Variants in FAT3 observed in about 807,000 individuals in gnomAD.
FAT3 encodes the protein FAT atypical cadherin 3.
A neutral mutation model predicts 310.2 loss-of-function variants in FAT3; 95 were observed. The observed-to-expected ratio is 0.31, with a 90% confidence interval of 0.26 to 0.36. The LOEUF is 0.36. Ranked by LOEUF, FAT3 falls within the 10% of genes least tolerant of loss-of-function variation. The pLI, the probability that FAT3 is intolerant of heterozygous loss-of-function variation, is 1.00. For missense variants in FAT3, 5,408 were observed against 5,715.6 expected, an observed-to-expected ratio of 0.95 and a Z score of 1.74; for synonymous variants, 2,314 against 2,192.9, an observed-to-expected ratio of 1.06 and a Z score of -1.54.
At chr11:92,700,220 C>T (rs1164676893) in intron 4 of FAT3, among the ~76,000 whole-genome samples, 1 of 152,138 alleles carries the variant, frequency 6.6e-6, no homozygotes, top group Non-Finnish European at 1.5e-5. Context: ...TGCCAAGACT[C>T]TGTTCAAGAA....
At chr11:92,533,671 G>T (rs1261130303) in intron 3 of FAT3, among the ~76,000 whole-genome samples, 1 of 152,160 alleles carries the variant, frequency 6.6e-6, no homozygotes, top group Non-Finnish European at 1.5e-5. Context: ...ACCTGGCTGG[G>T]ACCTTCCCCA....
chr11:92,240,712 G>T (rs1012955705), intron 1 of FAT3, among the ~76,000 whole-genome samples: 11 of 151,818 alleles, frequency 7.2e-5, no homozygotes, highest in African/African-American at 1.9e-4. Context: ...TTGACATATT[G>T]TTTTGTCTGT....
chr11:92,856,839 C>T (rs1467505288), intron 19 of FAT3, among the ~76,000 whole-genome samples: 1 of 152,130 alleles, frequency 6.6e-6, no homozygotes, highest in Non-Finnish European at 1.5e-5. Context: ...CAAATAGCCT[C>T]CAATCTGCAG....
intron 1 of FAT3, among the ~76,000 whole-genome samples, chr11:92,296,335 G>A (rs924037730): frequency 5.9e-5 from 9 of 152,118 alleles, no homozygotes; most frequent in African/African-American, 1.9e-4. Flanking sequence ...TCATGACTCA[G>A]CTTCCATCTC....
At chr11:92,684,099 C>T (rs1943562951) in intron 3 of FAT3, among the ~76,000 whole-genome samples, 2 of 152,170 alleles carry the variant, frequency 1.3e-5, no homozygotes, top group Admixed American at 6.5e-5. Context: ...GCTCAATGCA[C>T]AGCCATTTGT....
At chr11:92,357,718 G>T (rs919002828) in intron 2 of FAT3, among the ~76,000 whole-genome samples, 2 of 151,634 alleles carry the variant, frequency 1.3e-5, no homozygotes, top group African/African-American at 4.8e-5. Context: ...GTTGCATTTT[G>T]GTTTACCTGA....
chr11:92,337,794 CTTG>C (rs1330076836), intron 1 of FAT3, among the ~76,000 whole-genome samples: 1 of 152,220 alleles, frequency 6.6e-6, no homozygotes, highest in Non-Finnish European at 1.5e-5. Flanking sequence ...CCTCGAAGTA[CTTG>C]TTGTACAAGC....
chr11:92,790,422 C>T (rs565909164), intron 8 of FAT3, among the ~76,000 whole-genome samples: 99 of 152,232 alleles, frequency 6.5e-4, no homozygotes, highest in Admixed American at 6.0e-3. Context: ...TTTTGCCAAA[C>T]GAAAATATTA....
At chr11:92,592,954 A>G (rs561103663) in intron 3 of FAT3, among the ~76,000 whole-genome samples, 2 of 152,262 alleles carry the variant, frequency 1.3e-5, no homozygotes, top group East Asian at 3.9e-4. Flanking sequence ...TATACTCGTT[A>G]AACAGCTCCC....
At chr11:92,560,285 A>G (rs988260482) in intron 3 of FAT3, among the ~76,000 whole-genome samples, 1 of 152,118 alleles carries the variant, frequency 6.6e-6, no homozygotes, top group Non-Finnish European at 1.5e-5. Context: ...TTCAAAATTG[A>G]GCTATTTTTC....
chr11:92,448,661 G>A (rs965076583), intron 2 of FAT3, among the ~76,000 whole-genome samples: 9 of 152,246 alleles, frequency 5.9e-5, no homozygotes, highest in African/African-American at 2.2e-4. Flanking sequence ...ACTTTTTGGA[G>A]TTTTTGATAG....
At chr11:92,483,795 G>A (rs535795542) in intron 2 of FAT3, among the ~76,000 whole-genome samples, 1 of 152,298 alleles carries the variant, frequency 6.6e-6, no homozygotes, top group Admixed American at 6.5e-5. Flanking sequence ...CTGGCACAGA[G>A]AAGACACTCA....
At chr11:92,284,555 TAGTC>T (rs1302246519) in intron 1 of FAT3, among the ~76,000 whole-genome samples, 3 of 152,104 alleles carry the variant, frequency 2.0e-5, no homozygotes, top group African/African-American at 7.2e-5. Context: ...GGTGGGAAGA[TAGTC>T]AGGGCTCTTG....
At chr11:92,665,737 T>G (rs1291857871) in intron 3 of FAT3, among the ~76,000 whole-genome samples, 1 of 152,230 alleles carries the variant, frequency 6.6e-6, no homozygotes, top group Admixed American at 6.5e-5. Flanking sequence ...AGTCCTCCCC[T>G]CCTCTCTTCT....
At chr11:92,782,522 T>C (rs1591724757) in intron 7 of FAT3, among the ~76,000 whole-genome samples, 2 of 152,070 alleles carry the variant, frequency 1.3e-5, no homozygotes, top group East Asian at 3.9e-4. Context: ...CAGTGAGCCA[T>C]GATCACACCA....
intron 1 of FAT3, among the ~76,000 whole-genome samples, chr11:92,321,827 T>G (rs977549881): frequency 3.3e-5 from 5 of 152,200 alleles, no homozygotes; most frequent in Non-Finnish European, 7.3e-5. Flanking sequence ...CTTTTCCTTT[T>G]GAATATTCTC....
chr11:92,439,640 G>C (rs753603956), intron 2 of FAT3, among the ~76,000 whole-genome samples: 7 of 152,122 alleles, frequency 4.6e-5, no homozygotes, highest in Non-Finnish European at 1.0e-4. Context: ...TAAAGGCCAG[G>C]CATGGTGGCT....
At chr11:92,797,291 A>G (rs535272944) in intron 9 of FAT3, among the ~76,000 whole-genome samples, 66 of 152,330 alleles carry the variant, frequency 4.3e-4, no homozygotes, top group African/African-American at 1.5e-3. Flanking sequence ...GTCATTTTTG[A>G]TAGGGTGAAA....
At position 92,883,338 on chromosome 11, in the gene FAT3, C is replaced by G. The variant is rs1229343180; in HGVS notation, c.12882C>G (p.Pro4294=). The change falls in exon 24 of 28, where the codon CCC becomes CCG. Residue 4294 remains proline (P), a synonymous_variant. Transcript: ENST00000525166. The surrounding 1 kb of genome is among the most constrained non-coding windows in gnomAD (Gnocchi z 4.2). ...SVAPNLPAVS[P]CRSDCDSIRK... The stretch of plus-strand genomic sequence containing the variant: ...CCCCCAACCTCCCCGCCGTGTCACC[C>G]TGCCGCTCCGACTGCGACTCCATCC... The G allele has an allele frequency of 6.2e-7, 1 of 1,610,556 alleles. No homozygotes were observed. Among genetic ancestry groups the G allele is most frequent in the African/African-American group, 1.3e-5 (1 of 75,020 alleles).
Sources: allele counts gnomAD v4.1 joint callset (sites outside exome capture counted in the v4.1 genomes callset), GRCh38; gene constraint gnomAD v4.1.1; non-coding constraint Gnocchi (gnomAD v3.1); transcripts MANE v1.5; gene names NCBI Gene and HGNC (gene_info 2026-07-23, HGNC 2026-07-21).